Variants in PSMB8 observed in about 807,000 individuals in gnomAD.
PSMB8 encodes the protein proteasome 20S subunit beta 8, also known as proteasome subunit beta type-8.
Under a neutral mutation model 32.3 loss-of-function variants are expected in PSMB8, and 20 were observed. The ratio of observed to expected loss-of-function variants is 0.62; its 90% CI spans 0.44 to 0.90. The LOEUF (loss-of-function observed/expected upper bound fraction) is 0.90. Among genes scored for constraint, PSMB8 ranks in the 40% least tolerant of loss-of-function variants. The pLI is 0.00. For missense variants in PSMB8, 342 were observed against 365.4 expected (o/e 0.94, Z 0.52); for synonymous variants, 131 against 135.4 (o/e 0.97, Z 0.23).
upstream of PSMB8, chr6:32,844,498 C>T (rs1271381466): frequency 6.5e-7 from 1 of 1,539,754 alleles, no homozygotes; most frequent in Non-Finnish European, 8.9e-7. Context: ...AGAATATACC[C>T]GCCGCGTGTA....
Position 32,840,752 on chromosome 6 carries a change from G to T in PSMB8, c.*207C>A, listed in dbSNP as rs988642894. ...CGTTTTTCTTTATTCTACTTAGTGG[G>T]GCACCCAGAAACTTCCCTGGGGGAA... On this transcript the variant is annotated 3_prime_UTR_variant, in exon 6 of 6. Transcript: ENST00000374882. 1 of 604,172 alleles carries T rather than the reference G, an allele frequency of 1.7e-6. No individual in the cohort carries two copies. The highest frequency in any genetic ancestry group is 3.0e-6 in the Non-Finnish European group (1 of 338,692). 37.4% of individuals were successfully genotyped at this position (604,172 alleles called of 1,614,324 possible). A position where few individuals can be genotyped will look rare whatever the true frequency, so the allele number is the denominator to read the frequency against.
In PSMB8 at chr6:32,843,961, C is replaced by A; in HGVS notation, c.36G>T (p.Gly12=). The A allele has an allele frequency of 6.2e-7, 1 of 1,612,608 alleles. No individual in the cohort carries two copies. Among genetic ancestry groups the A allele is most frequent in the Non-Finnish European group, 8.5e-7 (1 of 1,179,874 alleles). ...CCGGGAGAGCCGATTCCGGCCGCTG[C>A]CCTCGGGGGGCTCCGCATACATCTA... ...ALLDVCGAPR[G]QRPESALPVA... The change falls in exon 1 of 6, where the codon GGG becomes GGT. Residue 12 remains glycine (G), a synonymous_variant. Coordinates refer to ENST00000374882, the MANE Select transcript of PSMB8 (RefSeq NM_148919.4).
chr6:32,843,888 TAGAG>T lies in PSMB8; in HGVS notation c.105_108del (p.Phe35LeufsTer49). On this transcript the variant is annotated frameshift_variant, in exon 1 of 6. Coordinates refer to ENST00000374882, the MANE Select transcript of PSMB8 (RefSeq NM_148919.4). LOFTEE classifies it high-confidence loss of function. ...GGTAAAGCGAGCTCTGGAGATCGCA[TAGAG>T]AAACTGTAGTGTCCTGGGTCCGAGC... 6.2e-7 allele frequency: 1 copy of T among 1,612,698 alleles called. No individual in the cohort carries two copies. Among genetic ancestry groups the T allele is most frequent in the Non-Finnish European group, 8.5e-7 (1 of 1,179,974 alleles).
Position 32,840,989 on chromosome 6 carries a change from C to A in PSMB8, c.801G>T (p.Leu267=), listed in dbSNP as rs375061189. ...VKVESTDVSD[L]LHQYREANQ The stretch of plus-strand genomic sequence containing the variant: ...GATTGGCTTCCCGGTACTGGTGCAG[C>A]AGGTCACTGACATCTGTACTTTCTA... Residue 267 remains leucine (L), a synonymous_variant, in exon 6 of 6, where the codon CTG becomes CTT. Transcript: ENST00000374882. The A allele has an allele frequency of 1.9e-6, 3 of 1,613,636 alleles. No homozygotes were observed. The highest frequency in any genetic ancestry group is 2.5e-6 in the Non-Finnish European group (3 of 1,179,660).
chr6:32,843,716 G>A, intron 1 of PSMB8, 134 bp downstream of exon 1: 1 of 1,073,994 alleles, frequency 9.3e-7, no homozygotes, highest in Non-Finnish European at 1.4e-6. Context: ...CTTTGGGTCT[G>A]GCGCTCTCCG....
intron 5 of PSMB8, 50 bp downstream of exon 5, chr6:32,841,481 C>T: frequency 6.3e-7 from 1 of 1,577,472 alleles, no homozygotes; most frequent in Non-Finnish European, 8.7e-7. Flanking sequence ...ACCCCCCCCA[C>T]CACCCGCCGA....
upstream of PSMB8, chr6:32,844,556 G>A: frequency 9.9e-7 from 1 of 1,011,852 alleles, no homozygotes; most frequent in Non-Finnish European, 1.5e-6. Flanking sequence ...ATCTTTCCAC[G>A]GGGTCCATCC....
chr6:32,840,863 G>T lies in PSMB8; in HGVS notation c.*96C>A. ...AGCCCGTACTCTCTCTTTGGCTCAG[G>T]CTAGGCCTCTTCTTCTCCTTGGACT... On this transcript the variant is annotated 3_prime_UTR_variant, in exon 6 of 6. Transcript: ENST00000374882. The T allele has an allele frequency of 9.5e-7, 1 of 1,055,660 alleles. No homozygotes were observed. Among genetic ancestry groups the T allele is most frequent in the Non-Finnish European group, 1.5e-6 (1 of 681,564 alleles). The allele number at this position is 1,055,660 out of a possible 1,614,324, so 65.4% of individuals were successfully genotyped here.
Position 32,843,846 on chromosome 6 carries a change from C to A in PSMB8, c.147+4G>T. ...ATCCCTAGGGGCTTCCCTACTGCCC[C>A]GACCTGCATTCCCCGGGGTAAAGCG... On this transcript the variant is annotated splice_donor_region_variant and intron_variant, in intron 1 of 5. Coordinates refer to ENST00000374882, the MANE Select transcript of PSMB8 (RefSeq NM_148919.4). 1.2e-6 allele frequency: 2 copies of A among 1,612,694 alleles called. No individual in the cohort carries two copies. The highest frequency in any genetic ancestry group is 1.7e-6 in the Non-Finnish European group (2 of 1,179,982).
intron 5 of PSMB8, among the ~76,000 whole-genome samples, 166 bp from the exon 6 acceptor site, chr6:32,841,213 C>A (rs1769879769): frequency 6.6e-6 from 1 of 152,088 alleles, no homozygotes; most frequent in Admixed American, 6.5e-5. Context: ...CCCTACTACT[C>A]TCCCTCCTTT....
Position 32,842,122 on chromosome 6 carries a change from G to A in PSMB8, c.537+12C>T. ...ACATGGTGGGGGAACATGAAGAATG[G>A]AGAGCACCCACCTTCTTATCCCAGC... On this transcript the variant is annotated intron_variant, in intron 4 of 5. Coordinates refer to ENST00000374882, the MANE Select transcript of PSMB8 (RefSeq NM_148919.4). The A allele has an allele frequency of 6.2e-7, 1 of 1,613,104 alleles. No individual in the cohort carries two copies. Among genetic ancestry groups the A allele is most frequent in the East Asian group, 2.2e-5 (1 of 44,882 alleles).
chr6:32,844,425 A>G, upstream of PSMB8: 1 of 1,613,394 alleles, frequency 6.2e-7, no homozygotes, highest in Admixed American at 1.7e-5. Flanking sequence ...ACTTTACAAA[A>G]CCAGGAGGGA....
Position 32,841,520 on chromosome 6 carries a change from T to C in PSMB8, c.742+11A>G. On this transcript the variant is annotated intron_variant, in intron 5 of 5. Transcript: ENST00000374882. ...CTCCCAGGCATGGTGGTGGGAGCAT[T>C]GGTCTCTTACTATTGACAACGCCTC... The C allele has an allele frequency of 6.2e-7, 1 of 1,611,378 alleles. No homozygotes were observed. Among genetic ancestry groups the C allele is most frequent in the Non-Finnish European group, 8.5e-7 (1 of 1,179,764 alleles).
At position 32,840,974 on chromosome 6, in the gene PSMB8, C is replaced by A. The variant is rs772033493; in HGVS notation, c.816G>T (p.Arg272=). 5 of 1,613,340 alleles carry A rather than the reference C, an allele frequency of 3.1e-6. No homozygotes were observed. The highest frequency in any genetic ancestry group is 3.4e-6 in the Non-Finnish European group (4 of 1,179,294). Residue 272 remains arginine, a synonymous_variant, in exon 6 of 6, where the codon CGG becomes CGT. Transcript: ENST00000374882. ...ACCACCACCATTATTGATTGGCTTC[C>A]CGGTACTGGTGCAGCAGGTCACTGA... is the stretch of plus-strand genomic sequence containing the variant. ...TDVSDLLHQY[R]EANQ
At chr6:32,841,760 G>A (rs372672061) in intron 4 of PSMB8, 25 bp from the exon 5 acceptor site, 2 of 1,602,136 alleles carry the variant, frequency 1.2e-6, no homozygotes, top group Non-Finnish European at 1.7e-6. Flanking sequence ...ATTTCAGGCT[G>A]AAATTGGAGA....
chr6:32,841,090 C>T lies in PSMB8; in HGVS notation c.743-43G>A, dbSNP rs1769873677. 3.3e-6 allele frequency: 5 copies of T among 1,498,958 alleles called. No homozygotes were observed. The East Asian group carries it at 1.1e-4, about 34-fold the overall frequency. The allele number at this position is 1,498,958 out of a possible 1,614,324, so 92.9% of individuals were successfully genotyped here. A position where few individuals can be genotyped will look rare whatever the true frequency, so the allele number is the denominator to read the frequency against. On this transcript the variant is annotated intron_variant, in intron 5 of 5. Coordinates refer to ENST00000374882, the MANE Select transcript of PSMB8 (RefSeq NM_148919.4). ...AAGAACATGGAGTCACCTTTCACCT[C>T]AGCAAGTTCCTGTCACTGATGTTAT...
In PSMB8 at chr6:32,841,717, C is replaced by T. The variant is rs78945358; in HGVS notation, c.556G>A (p.Val186Met). The change falls in exon 5 of 6, where the codon GTG (valine) becomes ATG (methionine). Residue 186 changes from valine to methionine, a missense_variant. Coordinates refer to ENST00000374882, the MANE Select transcript of PSMB8 (RefSeq NM_148919.4). Reference sequence around the variant, plus strand: ...GAGAGCCGAGTCCCATGTTCATCCACGTAGTAGAGTCCAGGACCCTATAAG... The same window carrying T: ...GAGAGCCGAGTCCCATGTTCATCCATGTAGTAGAGTCCAGGACCCTATAAG... The part of the protein sequence containing the change: ...WDKKGPGLYY[V>M]DEHGTRLSGN... 4.1e-5 allele frequency: 66 copies of T among 1,612,694 alleles called. No homozygotes were observed. The East Asian group carries it at 7.1e-4, about 17-fold the overall frequency.
Position 32,843,108 on chromosome 6 carries a change from T to C in PSMB8, c.148-19A>G. On this transcript the variant is annotated intron_variant, in intron 1 of 5. Transcript: ENST00000374882. Reference sequence around the variant, plus strand: ...CTGTGGGCTGATAAGAGAAAAGAGGTTGAGAAAGGCAATGAAAAATTCTGT... The same window carrying C: ...CTGTGGGCTGATAAGAGAAAAGAGGCTGAGAAAGGCAATGAAAAATTCTGT... The C allele has an allele frequency of 1.2e-6, 2 of 1,612,812 alleles. No individual in the cohort carries two copies. The highest frequency in any genetic ancestry group is 1.7e-6 in the Non-Finnish European group (2 of 1,179,968).
upstream of PSMB8, chr6:32,844,388 C>T: frequency 1.2e-6 from 2 of 1,613,892 alleles, no homozygotes; most frequent in Non-Finnish European, 1.7e-6. Context: ...AGTAGTGTCA[C>T]GCGGGGTGGG....
Sources: allele counts gnomAD v4.1 joint callset (sites outside exome capture counted in the v4.1 genomes callset), GRCh38; gene constraint gnomAD v4.1.1; transcripts MANE v1.5; gene names NCBI Gene and HGNC (gene_info 2026-07-23, HGNC 2026-07-21).